Variants in ARHGEF7 observed in about 807,000 individuals in gnomAD.
The protein encoded by ARHGEF7 is Rho guanine nucleotide exchange factor 7, also known as PAK-interacting exchange factor beta.
In ARHGEF7, 33 loss-of-function variants were observed where a neutral mutation model predicts 109.8. The observed-to-expected ratio is 0.30, with a 90% CI of 0.23 to 0.40. The LOEUF (loss-of-function observed/expected upper bound fraction) is 0.40. Ranked by LOEUF, ARHGEF7 falls within the 10% of genes least tolerant of loss-of-function variation. The pLI, the probability that ARHGEF7 is intolerant of heterozygous loss-of-function variation, is 1.00. For synonymous variants in ARHGEF7, 458 were observed against 424.6 expected (o/e 1.08, Z -0.97); for missense variants, 938 against 1,098.5 (o/e 0.85, Z 2.07).
chr13:111,292,311 A>T lies in ARHGEF7; in HGVS notation c.2311+17A>T. The T allele has an allele frequency of 3.7e-6, 6 of 1,614,162 alleles. No individual in the cohort carries two copies. Among genetic ancestry groups the T allele is most frequent in the Non-Finnish European group, 5.1e-6 (6 of 1,179,988 alleles). ...CTACATCTCGTAAGAGCTGTTGCTC[A>T]TATATCTCTCACCAGAACTAATGCA... is the stretch of plus-strand genomic sequence containing the variant. On this transcript the variant is annotated intron_variant, in intron 19 of 21. Coordinates refer to ENST00000646102, the MANE Select transcript of ARHGEF7 (RefSeq NM_001354046.2).
intron 1 of ARHGEF7, among the ~76,000 whole-genome samples, chr13:111,146,595 A>G (rs2075606347): frequency 6.6e-6 from 1 of 152,216 alleles, no homozygotes; most frequent in African/African-American, 2.4e-5. Flanking sequence ...AATTGTTGAG[A>G]TAACATTGAA....
At chr13:111,190,241 G>A (rs989119081) in intron 2 of ARHGEF7, among the ~76,000 whole-genome samples, 1 of 152,200 alleles carries the variant, frequency 6.6e-6, no homozygotes, top group Admixed American at 6.5e-5. Flanking sequence ...GTAATAGCAA[G>A]ATGGCTGCCA....
chr13:111,254,351 G>A (rs2153564091), intron 8 of ARHGEF7, among the ~76,000 whole-genome samples: 1 of 152,328 alleles, frequency 6.6e-6, no homozygotes, highest in Admixed American at 6.5e-5. Flanking sequence ...TGTTTGAGAG[G>A]ATATGGGTGC....
At chr13:111,175,350 G>A (rs1431883342) in intron 2 of ARHGEF7, among the ~76,000 whole-genome samples, 2 of 152,224 alleles carry the variant, frequency 1.3e-5, no homozygotes, top group African/African-American at 2.4e-5. Flanking sequence ...GACAGAGTGA[G>A]GGGAGAGTGA....
intron 2 of ARHGEF7, chr13:111,185,344 G>T (rs1306471434): frequency 1.3e-5 from 2 of 152,250 alleles, no homozygotes. Context: ...TGTCCCCAGG[G>T]ATCTCCTCAA....
intron 2 of ARHGEF7, among the ~76,000 whole-genome samples, chr13:111,192,853 A>G (rs1399443608): frequency 6.6e-6 from 1 of 152,196 alleles, no homozygotes; most frequent in Non-Finnish European, 1.5e-5. Flanking sequence ...TTGCGAGGGA[A>G]AGCCTTTATC....
At chr13:111,270,981 C>T (rs2153591054) in intron 9 of ARHGEF7, among the ~76,000 whole-genome samples, 1 of 152,300 alleles carries the variant, frequency 6.6e-6, no homozygotes, top group African/African-American at 2.4e-5. Flanking sequence ...AACAGGCTGC[C>T]CGTGGTCAGA....
At chr13:111,248,202 T>C (rs1373646819) in intron 8 of ARHGEF7, among the ~76,000 whole-genome samples, 1 of 152,214 alleles carries the variant, frequency 6.6e-6, no homozygotes, top group Non-Finnish European at 1.5e-5. Context: ...GTTTCAGCAT[T>C]TGAAGGATAT....
Position 111,153,906 on chromosome 13 carries a change from T to C in ARHGEF7, c.167T>C (p.Val56Ala). ...CAGCGCTTGTGCTCTGTATTGCAGG[T>C]CTACCCCGAGCCCCGGAGCGAGAGC... is the stretch of plus-strand genomic sequence containing the variant. ...ERLLPGTIEK[V>A]YPEPRSESEC... Residue 56 changes from valine (V) to alanine (A), a missense_variant and splice_region_variant, in exon 2 of 22, where the codon GTC becomes GCC. By Grantham distance (64) the Val-to-Ala change is moderately conservative. Coordinates refer to ENST00000646102, the MANE Select transcript of ARHGEF7 (RefSeq NM_001354046.2). The C allele has an allele frequency of 6.2e-7, 1 of 1,604,432 alleles. No individual in the cohort carries two copies. Among genetic ancestry groups the C allele is most frequent in the Non-Finnish European group, 8.5e-7 (1 of 1,176,884 alleles).
At position 111,292,622 on chromosome 13, in the gene ARHGEF7, T is replaced by C. The variant is rs2093324935; in HGVS notation, c.2311+328T>C. ...CCAAATGGTTTTTTTATTCTCAGTG[T>C]AGCAACTGTTTGATTTCTTTCTGGA... On this transcript the variant is annotated intron_variant, in intron 19 of 21. Transcript: ENST00000646102. The C allele has an allele frequency of 2.5e-6, 3 of 1,194,342 alleles. No individual in the cohort carries two copies. The South Asian group carries it at 7.4e-5, about 29-fold the overall frequency. The allele number at this position is 1,194,342 out of a possible 1,614,324, so 74.0% of individuals were successfully genotyped here. A position where few individuals can be genotyped will look rare whatever the true frequency, so the allele number is the denominator to read the frequency against.
In ARHGEF7 at chr13:111,221,492, CATAT is replaced by C. The variant is rs1297327824; in HGVS notation, c.670+3619_670+3622del. ...ATCTATATATATAGATATATATAGA[CATAT>C]ATATATCTATATATATAGATATATA... On this transcript the variant is annotated intron_variant, in intron 5 of 21. Coordinates refer to ENST00000646102, the MANE Select transcript of ARHGEF7 (RefSeq NM_001354046.2). Among the ~76,000 whole-genome samples, 253 of 41,124 alleles carry C rather than the reference CATAT, an allele frequency of 6.2e-3. 3 individuals carry two copies. The highest frequency in any genetic ancestry group is 9.9e-3 in the Non-Finnish European group (211 of 21,324). The allele number at this position is 41,124 out of a possible 152,430, so 27.0% of individuals were successfully genotyped here. A position where few individuals can be genotyped will look rare whatever the true frequency, so the allele number is the denominator to read the frequency against.
At chr13:111,195,794 A>G (rs1369593087) in intron 2 of ARHGEF7, among the ~76,000 whole-genome samples, 1 of 152,152 alleles carries the variant, frequency 6.6e-6, no homozygotes, top group African/African-American at 2.4e-5. Context: ...AACAAGCCCT[A>G]CTGGGTGATT....
At chr13:111,235,407 A>G (rs2086670047) in intron 6 of ARHGEF7, among the ~76,000 whole-genome samples, 1 of 152,186 alleles carries the variant, frequency 6.6e-6, no homozygotes, top group Non-Finnish European at 1.5e-5. Context: ...CTGTCCTTTT[A>G]CAGAGAGAAT....
At chr13:111,256,671 A>G (rs2090458981) in intron 8 of ARHGEF7, among the ~76,000 whole-genome samples, 1 of 151,942 alleles carries the variant, frequency 6.6e-6, no homozygotes, top group African/African-American at 2.4e-5. Context: ...CCACCTGTTG[A>G]TTTCTTTTTA....
intron 2 of ARHGEF7, among the ~76,000 whole-genome samples, chr13:111,199,492 G>A (rs1281738660): frequency 6.6e-6 from 1 of 152,178 alleles, no homozygotes; most frequent in Non-Finnish European, 1.5e-5. Flanking sequence ...CCCTGATGTT[G>A]CCTGTGCATA....
intron 8 of ARHGEF7, among the ~76,000 whole-genome samples, chr13:111,262,986 C>A (rs2091264840): frequency 6.6e-6 from 1 of 152,218 alleles, no homozygotes; most frequent in Non-Finnish European, 1.5e-5. Context: ...GGTGCCCTGT[C>A]TGCATGTTAT....
chr13:111,125,636 G>T (rs953147008), intron 1 of ARHGEF7, among the ~76,000 whole-genome samples: 15 of 152,312 alleles, frequency 9.8e-5, no homozygotes, highest in African/African-American at 3.4e-4. Flanking sequence ...TTGATTATTT[G>T]TAAATATTAT....
rs1252641479 is a variant in ARHGEF7 at position 111,300,800 on chromosome 13, T to G, written c.2364T>G (p.Ile788Met). Residue 788 changes from isoleucine (I) to methionine (M), a missense_variant, in exon 20 of 22, where the codon ATT (isoleucine) becomes ATG (methionine). Ile to Met is a conservative substitution (Grantham distance 10). Coordinates refer to ENST00000646102, the MANE Select transcript of ARHGEF7 (RefSeq NM_001354046.2). ...TTTTGCTTCCAGAAGAAGAGAAAAT[T>G]ATAGTGGAAGAAACTAAAAGTAATG... Reference protein sequence around the residue: ...PQVLLPEEEKIIVEETKSNGQ... With the variant: ...PQVLLPEEEKMIVEETKSNGQ... The G allele has an allele frequency of 6.2e-7, 1 of 1,611,980 alleles. No individual in the cohort carries two copies. The highest frequency in any genetic ancestry group is 2.2e-5 in the East Asian group (1 of 44,828).
chr13:111,205,514 T>C, intron 3 of ARHGEF7, 141 bp downstream of exon 3: 1 of 572,038 alleles, frequency 1.7e-6, no homozygotes, highest in Admixed American at 3.9e-5. Context: ...TGATTGTTCC[T>C]TTTGCTGTGA....
Sources: allele counts gnomAD v4.1 joint callset (sites outside exome capture counted in the v4.1 genomes callset), GRCh38; gene constraint gnomAD v4.1.1; transcripts MANE v1.5; gene names NCBI Gene and HGNC (gene_info 2026-07-23, HGNC 2026-07-21).